The following IL16 variants were observed in gnomAD, a reference collection of about 807,000 sequenced individuals.
The protein encoded by IL16 is interleukin 16, also known as pro-interleukin-16.
Under a neutral mutation model 110.1 loss-of-function variants are expected in IL16, and 67 were observed. The observed-to-expected ratio is 0.61, with a 90% confidence interval of 0.50 to 0.75. The LOEUF (loss-of-function observed/expected upper bound fraction) is 0.75, where lower values mean the gene tolerates loss of function less well. IL16 is among the 30% of genes least tolerant of loss of function. The pLI, the probability that IL16 is intolerant of heterozygous loss-of-function variation, is 0.00. For missense variants in IL16, 1,545 were observed against 1,655.0 expected (o/e 0.93, Z 1.15); for synonymous variants, 689 against 662.9 (o/e 1.04, Z -0.61).
intron 1 of IL16, among the ~76,000 whole-genome samples, chr15:81,216,096 G>C (rs965644257): frequency 1.3e-5 from 2 of 152,206 alleles, no homozygotes; most frequent in South Asian, 2.1e-4. Flanking sequence ...CTCTCTCCTG[G>C]CTGGAAGGTC....
intron 18 of IL16, 21 bp from the exon 19 acceptor site, chr15:81,308,584 T>C: frequency 6.3e-7 from 1 of 1,575,186 alleles, no homozygotes; most frequent in Non-Finnish European, 8.6e-7. Context: ...GTGGAACCCA[T>C]TACCTTCTCC....
upstream of IL16, among the ~76,000 whole-genome samples, chr15:81,192,345 A>G (rs1895510943): frequency 6.6e-6 from 1 of 152,200 alleles, no homozygotes; most frequent in Admixed American, 6.5e-5. Flanking sequence ...TCATGCCTAT[A>G]ATCCCAGCAC....
intron 2 of IL16, among the ~76,000 whole-genome samples, chr15:81,233,779 C>G (rs1897093554): frequency 6.6e-6 from 1 of 152,002 alleles, no homozygotes; most frequent in Non-Finnish European, 1.5e-5. Flanking sequence ...AGATATTTGT[C>G]TACCCATTTC....
upstream of IL16, among the ~76,000 whole-genome samples, chr15:81,195,012 G>A (rs1483377593): frequency 6.6e-6 from 1 of 151,990 alleles, no homozygotes; most frequent in Admixed American, 6.6e-5. Flanking sequence ...TGTTGGGCAG[G>A]GTGGAGACTC....
Position 81,225,570 on chromosome 15 carries a change from C to G in IL16, c.171C>G (p.Phe57Leu). The change falls in exon 2 of 19, where the codon TTC becomes TTG. Residue 57 changes from phenylalanine (F) to leucine (L), a missense_variant. Around this residue, in one of 3 missense-constraint regions of IL16, gnomAD observed 1,185 missense variants for 1,238.8 expected, o/e 0.96. Coordinates refer to ENST00000683961, the MANE Select transcript of IL16 (RefSeq NM_172217.5). ...ISLAQGKEGI[F>L]HSSVQLADTS... ...TGGCCCAGGGCAAGGAGGGAATTTT[C>G]CACTCATCTGTGCAGCTGGCAGACA... 3 of 1,614,096 alleles carry G rather than the reference C, an allele frequency of 1.9e-6. No individual in the cohort carries two copies. The highest frequency in any genetic ancestry group is 2.5e-6 in the Non-Finnish European group (3 of 1,180,010).
intron 1 of IL16, among the ~76,000 whole-genome samples, chr15:81,221,490 A>G (rs1215966859): frequency 2.0e-5 from 3 of 152,096 alleles, no homozygotes; most frequent in Admixed American, 6.5e-5. Context: ...TCCATTAGGG[A>G]GCAATAGCTG....
intron 6 of IL16, 81 bp from the exon 7 acceptor site, chr15:81,278,736 G>T: frequency 1.1e-6 from 1 of 925,250 alleles, no homozygotes; most frequent in Non-Finnish European, 1.8e-6. Context: ...CGGGCAGTTG[G>T]GGAGACTAGA....
chr15:81,182,812 G>A, exon 1 of IL16: 1 of 1,263,834 alleles, frequency 7.9e-7, no homozygotes, highest in Non-Finnish European at 1.0e-6. Flanking sequence ...TCCTGGTTTG[G>A]AGGAACTTTT....
At chr15:81,262,665 C>T (rs549357764) in intron 3 of IL16, among the ~76,000 whole-genome samples, 2 of 152,330 alleles carry the variant, frequency 1.3e-5, no homozygotes, top group South Asian at 4.1e-4. Context: ...GGCGCAGTGG[C>T]TCACGCCTGT....
intron 12 of IL16, among the ~76,000 whole-genome samples, chr15:81,294,991 C>T (rs1899917203): frequency 6.6e-6 from 1 of 152,146 alleles, no homozygotes; most frequent in Non-Finnish European, 1.5e-5. Flanking sequence ...ACCCCCAAGT[C>T]TTTCCCATCT....
At chr15:81,222,822 T>C (rs1455539519) in intron 1 of IL16, among the ~76,000 whole-genome samples, 2 of 151,700 alleles carry the variant, frequency 1.3e-5, no homozygotes, top group African/African-American at 4.8e-5. Flanking sequence ...ATGGAACTCC[T>C]AAGGAAGTGA....
intron 1 of IL16, among the ~76,000 whole-genome samples, chr15:81,223,823 CCTT>C (rs1896698615): frequency 6.6e-6 from 1 of 152,300 alleles, no homozygotes; most frequent in East Asian, 1.9e-4. Flanking sequence ...GAGAGTGTCT[CCTT>C]CAAGGCTTAG....
At chr15:81,186,589 AATTT>A (rs1270570721) in intron 1 of IL16, among the ~76,000 whole-genome samples, 3 of 152,340 alleles carry the variant, frequency 2.0e-5, no homozygotes, top group African/African-American at 4.8e-5. Context: ...CCTGTGCAGT[AATTT>A]ATTTAACCAT....
chr15:81,251,906 C>A (rs1394285490), intron 2 of IL16, among the ~76,000 whole-genome samples: 1 of 151,816 alleles, frequency 6.6e-6, no homozygotes, highest in Non-Finnish European at 1.5e-5. Context: ...GAAATAATTT[C>A]TTAGTAACAT....
intron 7 of IL16, 111 bp from the exon 8 acceptor site, chr15:81,279,447 A>T: frequency 1.4e-6 from 1 of 692,758 alleles, no homozygotes; most frequent in Non-Finnish European, 2.4e-6. Flanking sequence ...ATATGCGCAC[A>T]TTTATATTTC....
upstream of IL16, among the ~76,000 whole-genome samples, chr15:81,195,438 A>G (rs1242417408): frequency 6.6e-6 from 1 of 152,200 alleles, no homozygotes; most frequent in Non-Finnish European, 1.5e-5. Context: ...CGACACTGAC[A>G]GAGGCGCTCA....
intron 5 of IL16, among the ~76,000 whole-genome samples, chr15:81,270,991 C>A (rs906538100): frequency 2.0e-4 from 30 of 152,032 alleles, no homozygotes; most frequent in African/African-American, 2.4e-4. Context: ...GGAGTTAGAG[C>A]CAGAGGGATC....
At chr15:81,188,161 T>C (rs756447438) in intron 1 of IL16, among the ~76,000 whole-genome samples, 1 of 152,182 alleles carries the variant, frequency 6.6e-6, no homozygotes, top group Non-Finnish European at 1.5e-5. Flanking sequence ...AGAATGGGCA[T>C]TGGAGGCAAT....
rs1900422128 is a variant in IL16, at chr15:81,303,948, C to T, written c.3420+298C>T. On this transcript the variant is annotated intron_variant, in intron 16 of 18. Transcript: ENST00000683961. The surrounding 1 kb of genome is among the most constrained non-coding windows in gnomAD (Gnocchi z 4.1). ...CTGACCCAGATGGTTTCTGGTTCTG[C>T]CAGTTTTGTGGAGCCATGCTGCGGC... Among the ~76,000 whole-genome samples the T allele has an allele frequency of 6.6e-6, 1 of 152,236 alleles. No homozygotes were observed. The highest frequency in any genetic ancestry group is 1.5e-5 in the Non-Finnish European group (1 of 68,040).
Sources: gnomAD v4.1 joint callset for allele counts (sites outside exome capture counted in the v4.1 genomes callset) on GRCh38, gnomAD v4.1.1 for gene constraint, gnomAD v4.1.1 regional missense constraint, Gnocchi (gnomAD v3.1) non-coding constraint, MANE v1.5 for transcripts, NCBI Gene and HGNC (gene_info 2026-07-23, HGNC 2026-07-21) for gene names.